GRID2: variants seen among roughly 807,000 people sequenced by gnomAD.
The protein encoded by GRID2 is glutamate receptor ionotropic, delta-2.
In GRID2, 33 loss-of-function variants were observed where a neutral mutation model predicts 114.8. The ratio of observed to expected loss-of-function variants is 0.29; its 90% CI spans 0.22 to 0.38. The LOEUF (loss-of-function observed/expected upper bound fraction) is 0.38, where lower values mean the gene tolerates loss of function less well. Among genes scored for constraint, GRID2 ranks in the 10% least tolerant of loss-of-function variants. GRID2 has a pLI of 1.00. For missense variants in GRID2, 1,184 were observed against 1,257.7 expected (o/e 0.94, Z 0.89); for synonymous variants, 505 against 449.9 (o/e 1.12, Z -1.55).
At chr4:93,166,763 G>C (rs2149415923) in intron 4 of GRID2, among the ~76,000 whole-genome samples, 1 of 152,190 alleles carries the variant, frequency 6.6e-6, no homozygotes, top group Non-Finnish European at 1.5e-5. Context: ...TTCTCTCTGT[G>C]CTTGGTCTGA....
intron 2 of GRID2, among the ~76,000 whole-genome samples, chr4:92,630,676 C>T (rs569477580): frequency 2.0e-5 from 3 of 152,050 alleles, no homozygotes; most frequent in East Asian, 1.9e-4. Context: ...TATTCTTAAC[C>T]GAAAGTAGGT....
chr4:92,774,463 T>G (rs1355528494), intron 2 of GRID2, among the ~76,000 whole-genome samples: 2 of 152,072 alleles, frequency 1.3e-5, no homozygotes, highest in African/African-American at 2.4e-5. Flanking sequence ...AGAATGCTAC[T>G]GAGGTACTTT....
chr4:93,522,305 A>G (rs762068877), intron 13 of GRID2, among the ~76,000 whole-genome samples: 6 of 152,166 alleles, frequency 3.9e-5, no homozygotes, highest in Non-Finnish European at 8.8e-5. Flanking sequence ...GAAAATAGGA[A>G]TGGCTGTCCT....
chr4:92,449,835 A>G (rs1350909693), intron 1 of GRID2, among the ~76,000 whole-genome samples: 1 of 151,488 alleles, frequency 6.6e-6, no homozygotes, highest in Non-Finnish European at 1.5e-5. Context: ...GGTTAGTATG[A>G]GTAATTTAGT....
rs75513348 is a variant in GRID2, at chr4:93,245,768, C to T, written c.1245+7278C>T. ...TAATATGTGAATGTAACACATGTAA[C>T]ATGTGAATAGTAATACTTATCTCTC... On this transcript the variant is annotated intron_variant, in intron 8 of 15. Coordinates refer to ENST00000282020, the MANE Select transcript of GRID2 (RefSeq NM_001510.4). Among the ~76,000 whole-genome samples the T allele has an allele frequency of 3.6e-3, 544 of 152,238 alleles. 2 individuals are homozygous for T. Among genetic ancestry groups the T allele is most frequent in the Non-Finnish European group, 6.4e-3 (438 of 68,032 alleles).
intron 1 of GRID2, among the ~76,000 whole-genome samples, chr4:92,508,906 A>G (rs1724107039): frequency 6.6e-6 from 1 of 151,900 alleles, no homozygotes. Context: ...AGAGGTGTTG[A>G]GCAGTAGTTA....
intron 2 of GRID2, among the ~76,000 whole-genome samples, chr4:92,673,106 GTCT>G (rs1309607900): frequency 1.3e-5 from 2 of 152,020 alleles, no homozygotes; most frequent in African/African-American, 4.8e-5. Flanking sequence ...AATTAATCAA[GTCT>G]TCTTTTTTAT....
chr4:92,742,325 T>C (rs1315626989), intron 2 of GRID2, among the ~76,000 whole-genome samples: 1 of 152,110 alleles, frequency 6.6e-6, no homozygotes, highest in East Asian at 1.9e-4. Context: ...ATAATGCTCA[T>C]TTCTCTGGAC....
intron 8 of GRID2, among the ~76,000 whole-genome samples, chr4:93,260,726 C>T (rs1008208372): frequency 6.6e-6 from 1 of 151,676 alleles, no homozygotes; most frequent in Non-Finnish European, 1.5e-5. Flanking sequence ...TTTCAACAGG[C>T]CAATCACAGG....
At chr4:92,724,179 G>T (rs186664002) in intron 2 of GRID2, among the ~76,000 whole-genome samples, 324 of 152,138 alleles carry the variant, frequency 2.1e-3, no homozygotes, top group African/African-American at 7.6e-3. Flanking sequence ...CAAAAAGGCG[G>T]TACCTTCTGC....
rs764030859 is a variant in GRID2 at position 93,772,194 on chromosome 4, T to C, written c.2720T>C (p.Ile907Thr). 6.2e-7 allele frequency: 1 copy of C among 1,614,058 alleles called. No homozygotes were observed. The highest frequency in any genetic ancestry group is 8.5e-7 in the Non-Finnish European group (1 of 1,179,966). The part of the protein sequence containing the change: ...TSSIDLTPLD[I>T]DTLPTRQALE... ...TCAATTGATTTGACCCCTCTGGACA[T>C]TGACACTTTGCCAACACGACAAGCA... is the stretch of plus-strand genomic sequence containing the variant. The change falls in exon 16 of 16, where the codon ATT (isoleucine) becomes ACT (threonine). Residue 907 changes from isoleucine to threonine, a missense_variant. This residue lies in a region of GRID2 where 717 missense variants were observed against 796.9 expected (regional missense o/e 0.90). Transcript: ENST00000282020.
chr4:92,506,632 T>C (rs1723985013), intron 1 of GRID2, among the ~76,000 whole-genome samples: 1 of 151,866 alleles, frequency 6.6e-6, no homozygotes, highest in Admixed American at 6.6e-5. Context: ...GAGAAAATGA[T>C]TTTCTGGCAT....
At chr4:93,253,164 G>T (rs1749174394) in intron 8 of GRID2, among the ~76,000 whole-genome samples, 1 of 151,820 alleles carries the variant, frequency 6.6e-6, no homozygotes, top group South Asian at 2.1e-4. Context: ...GCTGAGGCAG[G>T]AGAATGGCGT....
At chr4:92,413,201 G>A (rs1731424267) in intron 1 of GRID2, among the ~76,000 whole-genome samples, 1 of 152,102 alleles carries the variant, frequency 6.6e-6, no homozygotes, top group African/African-American at 2.4e-5. Context: ...TCCTTAGTGA[G>A]TTTCTTGATA....
At chr4:93,258,300 T>C (rs909336638) in intron 8 of GRID2, among the ~76,000 whole-genome samples, 4 of 151,196 alleles carry the variant, frequency 2.6e-5, no homozygotes, top group Non-Finnish European at 5.9e-5. Context: ...AAAATGACAA[T>C]GATAAAAACT....
rs183748190 is a variant in GRID2, at chr4:93,664,073, A to G, written c.2360+37638A>G. On this transcript the variant is annotated intron_variant, in intron 14 of 15. Transcript: ENST00000282020. ...GATAAACTCTCTAATATGTGAGCAGAAACCTGAACAGGTGAAGGAGCAAGC... is the reference window on the plus strand; with the variant it reads ...GATAAACTCTCTAATATGTGAGCAGGAACCTGAACAGGTGAAGGAGCAAGC... 1.1e-3 allele frequency among the ~76,000 whole-genome samples: 163 copies of G among 152,354 alleles called. 3 individuals carry two copies. Among genetic ancestry groups the G allele is most frequent in the African/African-American group, 3.8e-3 (159 of 41,588 alleles).
chr4:92,432,816 C>A (rs28794296), intron 1 of GRID2, among the ~76,000 whole-genome samples: 3,301 of 152,178 alleles, frequency 0.022, 112 homozygotes, highest in African/African-American at 0.074. Context: ...ACAGAAGGAG[C>A]CTTTCCCCAT....
At chr4:92,562,610 C>T (rs1352830120) in intron 1 of GRID2, among the ~76,000 whole-genome samples, 1 of 152,102 alleles carries the variant, frequency 6.6e-6, no homozygotes, top group Admixed American at 6.6e-5. Context: ...CAGTGAGGAG[C>T]TGCTATGTCT....
At chr4:93,267,450 AAG>A (rs1305971839) in intron 8 of GRID2, among the ~76,000 whole-genome samples, 1 of 152,140 alleles carries the variant, frequency 6.6e-6, no homozygotes, top group Non-Finnish European at 1.5e-5. Context: ...AGCATGGAGA[AAG>A]AGGTGCAGCC....
Sources: allele counts gnomAD v4.1 joint callset (sites outside exome capture counted in the v4.1 genomes callset), GRCh38; gene constraint gnomAD v4.1.1; regional missense constraint gnomAD v4.1.1; transcripts MANE v1.5; gene names NCBI Gene and HGNC (gene_info 2026-07-23, HGNC 2026-07-21).